UXT: variants seen among roughly 807,000 people sequenced by gnomAD.
UXT encodes protein UXT.
For missense variants in UXT, 111 were observed against 132.7 expected (o/e 0.84, Z 0.80); for synonymous variants, 54 against 52.8 (o/e 1.02, Z -0.10).
chrX:47,656,761 T>C (rs996758587), intron 4 of UXT, among the ~76,000 whole-genome samples: 1 of 111,672 alleles, frequency 9.0e-6, no homozygotes, highest in Non-Finnish European at 1.9e-5. Context: ...AGTGAATGAA[T>C]AGTAAAATTA....
chrX:47,655,902 A>G (rs1358651086), intron 4 of UXT, among the ~76,000 whole-genome samples: 2 of 112,433 alleles, frequency 1.8e-5, no homozygotes, highest in Non-Finnish European at 3.8e-5. Context: ...CTTTGAATGC[A>G]GCCCAACACA....
intron 4 of UXT, among the ~76,000 whole-genome samples, chrX:47,656,641 T>C (rs965566024): frequency 9.0e-6 from 1 of 111,267 alleles, no homozygotes; most frequent in East Asian, 2.8e-4. Context: ...ATGTGGGTAC[T>C]GGGGGAAAGA....
intron 5 of UXT, 28 bp downstream of exon 6, chrX:47,652,053 G>A (rs770019034): frequency 2.1e-4 from 256 of 1,200,507 alleles, no homozygotes; most frequent in Admixed American, 2.0e-4. Flanking sequence ...TAAACACAGA[G>A]TCTGGTAGTG....
intron 4 of UXT, among the ~76,000 whole-genome samples, chrX:47,654,587 TAG>T (rs2058078215): frequency 9.0e-6 from 1 of 111,665 alleles, no homozygotes; most frequent in African/African-American, 3.3e-5. Flanking sequence ...GGAAAGAATA[TAG>T]AGATTTCATC....
At chrX:47,658,200 A>G (rs756900800) in intron 1 of UXT, among the ~76,000 whole-genome samples, 5 of 111,593 alleles carry the variant, frequency 4.5e-5, no homozygotes, top group Non-Finnish European at 5.6e-5. Flanking sequence ...AACTCTCTAT[A>G]TACATGTTAG....
chrX:47,657,255 T>C lies in UXT; in HGVS notation c.320A>G (p.Tyr107Cys), dbSNP rs1195712804. The C allele has an allele frequency of 8.3e-7, 1 of 1,207,699 alleles. No individual in the cohort carries two copies. Among genetic ancestry groups the C allele is most frequent in the Admixed American group, 2.2e-5 (1 of 45,709 alleles). The stretch of plus-strand genomic sequence containing the variant: ...CAGTGTCAACTCCAGGAAAAAACCA[T>C]ATCCCAGGGCCACATAGATGCGTGA... Residue 107 changes from tyrosine (Y) to cysteine (C), a missense_variant, in exon 4 of 6, where the codon TAT (tyrosine) becomes TGT (cysteine). Physicochemically the swap from Tyr to Cys is radical, Grantham distance 194 (BLOSUM62 -2). Coordinates refer to ENST00000335890, the MANE Select transcript of UXT (RefSeq NM_153477.3).
In UXT at chrX:47,657,767, T is replaced by C; in HGVS notation, c.216+15A>G. On this transcript the variant is annotated intron_variant, in intron 2 of 5. Coordinates refer to ENST00000335890, the MANE Select transcript of UXT (RefSeq NM_153477.3). Reference sequence around the variant, plus strand: ...CACATACCAAAAAAATGGTACCCAATCCCATAGTCTTTACCTGGAGTCGCT... The same window carrying C: ...CACATACCAAAAAAATGGTACCCAACCCCATAGTCTTTACCTGGAGTCGCT... 8.4e-7 allele frequency: 1 copy of C among 1,193,661 alleles called. No homozygotes were observed. The highest frequency in any genetic ancestry group is 1.1e-6 in the Non-Finnish European group (1 of 886,434).
At position 47,657,551 on chromosome X, in the gene UXT, G is replaced by A. The variant is rs1485540136; in HGVS notation, c.284+21C>T. ...GGGTAAGCTGAACCCTGTGGGCTCA[G>A]AGGGGCGGGTAGACACTCACACCAC... On this transcript the variant is annotated intron_variant, in intron 3 of 5. Coordinates refer to ENST00000335890, the MANE Select transcript of UXT (RefSeq NM_153477.3). 3.3e-6 allele frequency: 4 copies of A among 1,198,788 alleles called. No individual in the cohort carries two copies. The East Asian group carries it at 1.2e-4, about 36-fold the overall frequency.
At chrX:47,653,530 C>T (rs1242486798) in intron 4 of UXT, among the ~76,000 whole-genome samples, 1 of 111,729 alleles carries the variant, frequency 9.0e-6, no homozygotes, top group East Asian at 2.8e-4. Flanking sequence ...CAGCCAAAAA[C>T]CTGGGCTCCT....
At chrX:47,656,326 C>T (rs987608457) in intron 4 of UXT, among the ~76,000 whole-genome samples, 2 of 111,375 alleles carry the variant, frequency 1.8e-5, no homozygotes, top group African/African-American at 3.3e-5. Context: ...GGCAACACAG[C>T]GAGACACCAT....
rs1430492689 is a variant in UXT at position 47,658,854 on chromosome X, C to T, written c.110G>A (p.Ser37Asn). The change falls in exon 1 of 6, where the codon AGT (serine) becomes AAT (asparagine). Residue 37 changes from serine to asparagine, a missense_variant. By Grantham distance (46) the Ser-to-Asn change is conservative. Transcript: ENST00000335890. ...CCGCAAGTCCCGCTGCAGCACGTCACTGATGAAGGTCTCGTAGCGCAGCAC... is the reference window on the plus strand; with the variant it reads ...CCGCAAGTCCCGCTGCAGCACGTCATTGATGAAGGTCTCGTAGCGCAGCAC... 6.9e-6 allele frequency: 8 copies of T among 1,153,820 alleles called. No individual in the cohort carries two copies. In the Admixed American group the frequency reaches 1.6e-4, roughly 23 times the overall value.
chrX:47,651,937 G>A (rs756211451), intron 5 of UXT, 42 bp from the exon 7 acceptor site: 1 of 1,197,655 alleles, frequency 8.3e-7, no homozygotes, highest in East Asian at 3.0e-5. Context: ...GACTGGGTCT[G>A]GGTTACGCCC....
chrX:47,655,146 G>C (rs891115923), intron 4 of UXT, among the ~76,000 whole-genome samples: 5 of 111,744 alleles, frequency 4.5e-5, no homozygotes, highest in African/African-American at 1.6e-4. Flanking sequence ...CGGGAGTGGT[G>C]GTGGGTGCCT....
intron 1 of UXT, among the ~76,000 whole-genome samples, chrX:47,658,444 C>G (rs1340541035): frequency 8.9e-6 from 1 of 111,948 alleles, no homozygotes; most frequent in Non-Finnish European, 1.9e-5. Flanking sequence ...ATCAAAAACT[C>G]AAAACCACTG....
At chrX:47,657,012 A>T in intron 4 of UXT, 171 bp downstream of exon 5, 1 of 432,968 alleles carries the variant, frequency 2.3e-6, no homozygotes, top group Non-Finnish European at 4.0e-6. Context: ...TCATTTTTTG[A>T]GTGCTTATTA....
intron 4 of UXT, 49 bp from the exon 6 acceptor site, chrX:47,652,193 A>AG: frequency 9.3e-7 from 1 of 1,078,184 alleles, no homozygotes; most frequent in Middle Eastern, 2.4e-4. Flanking sequence ...CATGATTATG[A>AG]TGACCCTTCC....
intron 4 of UXT, among the ~76,000 whole-genome samples, chrX:47,656,884 T>C (rs2058085299): frequency 8.9e-6 from 1 of 112,383 alleles, no homozygotes; most frequent in Non-Finnish European, 1.9e-5. Context: ...TCCTTCTAGA[T>C]TGTAAGCCTT....
rs2058094228 is a variant in UXT at position 47,658,994 on chromosome X, G to T, written c.-31C>A. ...CCGATCCAGTTTGGCCTCACACACA[G>T]TTCATCTCTACCCTCTCAACGCTGG... On this transcript the variant is annotated 5_prime_UTR_variant, in exon 1 of 6. Coordinates refer to ENST00000335890, the MANE Select transcript of UXT (RefSeq NM_153477.3). The T allele has an allele frequency of 8.3e-7, 1 of 1,210,256 alleles. No individual in the cohort carries two copies. Among genetic ancestry groups the T allele is most frequent in the Non-Finnish European group, 1.1e-6 (1 of 894,865 alleles).
At chrX:47,652,049 C>T (rs762374237) in intron 5 of UXT, 32 bp downstream of exon 6, 6 of 1,200,823 alleles carry the variant, frequency 5.0e-6, no homozygotes, top group Non-Finnish European at 6.8e-6. Context: ...ACCCTAAACA[C>T]AGAGTCTGGT....
Sources: allele counts gnomAD v4.1 joint callset (sites outside exome capture counted in the v4.1 genomes callset), GRCh38; gene constraint gnomAD v4.1.1; transcripts MANE v1.5; gene names NCBI Gene and HGNC (gene_info 2026-07-23, HGNC 2026-07-21).